MME: variants seen among roughly 807,000 people sequenced by gnomAD.
MME encodes the protein neprilysin.
MME carries 98 observed loss-of-function variants against 113.2 expected under a neutral mutation model. The ratio of observed to expected loss-of-function variants is 0.87; its 90% CI spans 0.74 to 1.02. The LOEUF is 1.02. MME is among the 50% of genes least tolerant of loss of function. The probability of loss-of-function intolerance (pLI) is 0.00; values close to 1 mark genes in which losing one functional copy is unlikely to be tolerated. For synonymous variants in MME, 292 were observed against 300.6 expected, an observed-to-expected ratio of 0.97 and a Z score of 0.30; for missense variants, 836 against 896.0, an observed-to-expected ratio of 0.93 and a Z score of 0.86.
intron 1 of MME, among the ~76,000 whole-genome samples, chr3:155,064,063 A>G (rs6793490): frequency 0.031 from 4,710 of 151,966 alleles, 184 homozygotes; most frequent in African/African-American, 0.096. Flanking sequence ...GGCCGAGGTG[A>G]GTGGATCACC....
chr3:155,073,015 T>C (rs1402792637), intron 1 of MME, among the ~76,000 whole-genome samples: 2 of 152,252 alleles, frequency 1.3e-5, no homozygotes, highest in Non-Finnish European at 2.9e-5. Flanking sequence ...GAATCATTTG[T>C]ATTGTTATGT....
At position 155,115,015 on chromosome 3, in the gene MME, T is replaced by C; in HGVS notation, c.218T>C (p.Met73Thr). The C allele has an allele frequency of 6.2e-7, 1 of 1,614,154 alleles. No individual in the cohort carries two copies. The highest frequency in any genetic ancestry group is 8.5e-7 in the Non-Finnish European group (1 of 1,179,988). The change falls in exon 4 of 23, where the codon ATG becomes ACG. Residue 73 changes from methionine (M) to threonine (T), a missense_variant. By Grantham distance (81) the Met-to-Thr change is moderately conservative. Transcript: ENST00000360490. ...GCAGCTGCTCGACTGATCCAAAACATGGATGCCACCACTGAGCCTTGTACA... is the reference window on the plus strand; with the variant it reads ...GCAGCTGCTCGACTGATCCAAAACACGGATGCCACCACTGAGCCTTGTACA... ...IKSAARLIQN[M>T]DATTEPCTDF...
At position 155,142,099 on chromosome 3, in the gene MME, A is replaced by C; in HGVS notation, c.1066A>C (p.Lys356Gln). ...VYAPEYLTKL[K>Q]PILTKYSARD... is the part of the protein sequence containing the mutation. ...TGCTCCAGAATATTTAACCAAACTTAAGCCCATTCTTACCAAATATTCTGC... is the reference window on the plus strand; with the variant it reads ...TGCTCCAGAATATTTAACCAAACTTCAGCCCATTCTTACCAAATATTCTGC... The change falls in exon 11 of 23, where the codon AAG becomes CAG. Residue 356 changes from lysine to glutamine, a missense_variant. Physicochemically the swap from Lys to Gln is moderately conservative, Grantham distance 53. Coordinates refer to ENST00000360490, the MANE Select transcript of MME (RefSeq NM_007289.4). The C allele has an allele frequency of 6.2e-7, 1 of 1,613,900 alleles. No individual in the cohort carries two copies. The highest frequency in any genetic ancestry group is 8.5e-7 in the Non-Finnish European group (1 of 1,179,840).
rs1712992436 is a variant in MME at position 155,180,541 on chromosome 3, G to A, written c.*82G>A. ...GAATTCTCTAATCGAAAGAAAATGG[G>A]CCCTAGGGGTCACTGTACTGACTTG... is the stretch of plus-strand genomic sequence containing the variant. On this transcript the variant is annotated 3_prime_UTR_variant, in exon 23 of 23. Coordinates refer to ENST00000360490, the MANE Select transcript of MME (RefSeq NM_007289.4). 4 of 1,050,510 alleles carry A rather than the reference G, an allele frequency of 3.8e-6. No homozygotes were observed. The highest frequency in any genetic ancestry group is 6.0e-6 in the Non-Finnish European group (4 of 668,206). The allele number at this position is 1,050,510 out of a possible 1,614,324, so 65.1% of individuals were successfully genotyped here.
At chr3:155,083,261 T>C (rs2108163500) in intron 1 of MME, among the ~76,000 whole-genome samples, 1 of 152,306 alleles carries the variant, frequency 6.6e-6, no homozygotes, top group African/African-American at 2.4e-5. Flanking sequence ...TTGCCTGACT[T>C]CTCTGTGCCC....
intron 16 of MME, among the ~76,000 whole-genome samples, chr3:155,156,873 C>G (rs189263628): frequency 8.7e-4 from 133 of 152,046 alleles, no homozygotes; most frequent in African/African-American, 3.0e-3. Context: ...TTAAGTTACA[C>G]AAGAGTGGGT....
intron 8 of MME, among the ~76,000 whole-genome samples, chr3:155,132,836 C>G (rs1346873794): frequency 6.6e-6 from 1 of 151,468 alleles, no homozygotes; most frequent in African/African-American, 2.4e-5. Context: ...GGTGGATCAC[C>G]TGGGGTCAGG....
At position 155,180,386 on chromosome 3, in the gene MME, C is replaced by T. The variant is rs201124263; in HGVS notation, c.2180C>T (p.Ala727Val). The change falls in exon 23 of 23, where the codon GCA becomes GTA. Residue 727 changes from alanine (A) to valine (V), a missense_variant. By Grantham distance (64) the Ala-to-Val change is moderately conservative. Transcript: ENST00000360490. ...ATTATTGGGACTTTGCAGAACTCTG[C>T]AGAGTTTTCAGAAGCCTTTCACTGC... Reference protein sequence around the residue: ...FRIIGTLQNSAEFSEAFHCRK... With the variant: ...FRIIGTLQNSVEFSEAFHCRK... 1.2e-6 allele frequency: 2 copies of T among 1,613,574 alleles called. No individual in the cohort carries two copies. The highest frequency in any genetic ancestry group is 8.5e-7 in the Non-Finnish European group (1 of 1,179,582).
rs201410726 is a variant in MME, at chr3:155,137,937, T to A, written c.721-165T>A. ...CTCTTATTCAAAGATATATTGACTG[T>A]CTAAGAATCTGTGCAGGTCATTTCT... On this transcript the variant is annotated intron_variant, in intron 8 of 22. Coordinates refer to ENST00000360490, the MANE Select transcript of MME (RefSeq NM_007289.4). Among the ~76,000 whole-genome samples, 5 of 76,062 alleles carry A rather than the reference T, an allele frequency of 6.6e-5. No homozygotes were observed. In the East Asian group the frequency reaches 3.0e-3, roughly 46 times the overall value. The allele number at this position is 76,062 out of a possible 152,430, so 49.9% of individuals were successfully genotyped here. A position where few individuals can be genotyped will look rare whatever the true frequency, so the allele number is the denominator to read the frequency against.
At chr3:155,114,127 A>C (rs1463024967) in intron 3 of MME, among the ~76,000 whole-genome samples, 2 of 152,164 alleles carry the variant, frequency 1.3e-5, no homozygotes, top group East Asian at 3.8e-4. Context: ...ATGAATTCTC[A>C]ATTGCTCTTT....
At chr3:155,107,601 A>G (rs945963525) in intron 3 of MME, among the ~76,000 whole-genome samples, 1 of 152,192 alleles carries the variant, frequency 6.6e-6, no homozygotes, top group Non-Finnish European at 1.5e-5. Context: ...GAAAAGAGGA[A>G]TATAAGCACA....
chr3:155,177,599 C>G (rs1384695802), intron 22 of MME, among the ~76,000 whole-genome samples: 1 of 152,030 alleles, frequency 6.6e-6, no homozygotes, highest in Non-Finnish European at 1.5e-5. Context: ...GATCAGGGTG[C>G]CAGCATGATC....
intron 17 of MME, among the ~76,000 whole-genome samples, chr3:155,161,649 A>T (rs959581660): frequency 6.6e-6 from 1 of 152,152 alleles, no homozygotes; most frequent in Non-Finnish European, 1.5e-5. Context: ...CTATTTTTGG[A>T]GTAAAACCTG....
chr3:155,130,139 A>G (rs1238555348), intron 8 of MME, among the ~76,000 whole-genome samples: 1 of 152,202 alleles, frequency 6.6e-6, no homozygotes, highest in Non-Finnish European at 1.5e-5. Flanking sequence ...TACATAATAG[A>G]TATGTTTATG....
intron 3 of MME, among the ~76,000 whole-genome samples, chr3:155,109,364 G>A (rs1717976231): frequency 6.6e-6 from 1 of 152,114 alleles, no homozygotes; most frequent in African/African-American, 2.4e-5. Flanking sequence ...GTCTGGGTAG[G>A]AGGCTGTGGA....
Position 155,118,250 on chromosome 3 carries a change from C to A in MME, c.655-496C>A, listed in dbSNP as rs1338397562. The stretch of plus-strand genomic sequence containing the variant: ...CTGGAGTTACCTTAGAGGTTTTCCA[C>A]TTCTCCCCTTCTCCCCATCCATCCA... On this transcript the variant is annotated intron_variant, in intron 7 of 22. Coordinates refer to ENST00000360490, the MANE Select transcript of MME (RefSeq NM_007289.4). Among the ~76,000 whole-genome samples the A allele has an allele frequency of 2.6e-5, 4 of 152,146 alleles. No homozygotes were observed. In the East Asian group the frequency reaches 7.7e-4, roughly 29 times the overall value.
intron 17 of MME, among the ~76,000 whole-genome samples, chr3:155,162,968 A>G (rs1722820418): frequency 6.7e-6 from 1 of 148,480 alleles, no homozygotes; most frequent in Non-Finnish European, 1.5e-5. Flanking sequence ...AGCTGAGATC[A>G]TGCCACTGTA....
At chr3:155,150,680 A>T (rs1721859595) in intron 16 of MME, among the ~76,000 whole-genome samples, 1 of 152,150 alleles carries the variant, frequency 6.6e-6, no homozygotes, top group Non-Finnish European at 1.5e-5. Context: ...TGGAACCCAG[A>T]TACTGGTATT....
intron 20 of MME, 100 bp from the exon 21 acceptor site, chr3:155,172,017 A>G: frequency 1.4e-6 from 1 of 727,122 alleles, no homozygotes; most frequent in Non-Finnish European, 2.4e-6. Flanking sequence ...GGTGATTTTA[A>G]CATAAAATGT....
Sources: allele counts gnomAD v4.1 joint callset (sites outside exome capture counted in the v4.1 genomes callset), GRCh38; gene constraint gnomAD v4.1.1; transcripts MANE v1.5; gene names NCBI Gene and HGNC (gene_info 2026-07-23, HGNC 2026-07-21).